LOC122539214: variants seen among roughly 807,000 people sequenced by gnomAD.
the LOC122539214 span, among the ~76,000 whole-genome samples, chr19:52,679,034 C>CCTTA: frequency 6.6e-6 from 1 of 151,976 alleles, no homozygotes; most frequent in Non-Finnish European, 1.5e-5. Flanking sequence ...TCACAAGCTC[C>CCTTA]CTTAATAAGA....
the LOC122539214 span, chr19:52,655,188 A>AAAAAC: frequency 9.6e-6 from 2 of 207,590 alleles, no homozygotes; most frequent in South Asian, 1.0e-4. Context: ...CTCTGTCTCA[A>AAAAAC]AAAACAAAAC....
the LOC122539214 span, among the ~76,000 whole-genome samples, chr19:52,687,389 A>ATATAAATTATAATTTATAT: frequency 7.6e-3 from 338 of 44,340 alleles, 143 homozygotes; most frequent in African/African-American, 0.082. Flanking sequence ...ATTTATATAT[A>ATATAAATTATAATTTATAT]TATAATTTAT....
At chr19:52,677,682 G>T in the LOC122539214 span, among the ~76,000 whole-genome samples, 1 of 128,786 alleles carries the variant, frequency 7.8e-6, no homozygotes, top group Non-Finnish European at 1.6e-5. Flanking sequence ...TACAGCAATG[G>T]GGGAGACCAC....
chr19:52,659,001 G>A, the LOC122539214 span, among the ~76,000 whole-genome samples: 1 of 152,126 alleles, frequency 6.6e-6, no homozygotes, highest in Admixed American at 6.5e-5. Flanking sequence ...GTGTGCAGGC[G>A]ATTGGGCACC....
chr19:52,650,852 C>G, the LOC122539214 span: 5 of 152,266 alleles, frequency 3.3e-5, no homozygotes, highest in African/African-American at 1.2e-4. Flanking sequence ...AACCTGTTTA[C>G]TACAGCAGAA....
At chr19:52,674,374 G>A in the LOC122539214 span, 1 of 152,190 alleles carries the variant, frequency 6.6e-6, no homozygotes, top group Admixed American at 6.5e-5. Flanking sequence ...CTCACATGAT[G>A]CTAGAACGTT....
chr19:52,675,945 A>T, the LOC122539214 span, among the ~76,000 whole-genome samples: 2 of 152,134 alleles, frequency 1.3e-5, no homozygotes, highest in Non-Finnish European at 1.5e-5. Flanking sequence ...TAATCCCACC[A>T]CTTTGGGAGG....
chr19:52,686,501 A>AACC, the LOC122539214 span, among the ~76,000 whole-genome samples: 3 of 83,754 alleles, frequency 3.6e-5, no homozygotes, highest in Non-Finnish European at 7.6e-5. Context: ...AGAAACCAGA[A>AACC]AGAAAAAAAA....
chr19:52,678,311 A>G, the LOC122539214 span, among the ~76,000 whole-genome samples: 1 of 151,532 alleles, frequency 6.6e-6, no homozygotes, highest in East Asian at 2.0e-4. Context: ...TTAGCCAGGC[A>G]TGGTGGCAGG....
the LOC122539214 span, chr19:52,653,264 A>G: frequency 2.0e-6 from 3 of 1,486,866 alleles, no homozygotes; most frequent in Non-Finnish European, 2.8e-6. Flanking sequence ...CTATAATGAC[A>G]TGCAAGGTGT....
the LOC122539214 span, among the ~76,000 whole-genome samples, chr19:52,670,925 G>T: frequency 6.6e-6 from 1 of 152,164 alleles, no homozygotes; most frequent in African/African-American, 2.4e-5. Context: ...GGAGACCAAG[G>T]TTCTTTTGAA....
the LOC122539214 span, chr19:52,655,766 G>T: frequency 3.0e-6 from 2 of 671,076 alleles, no homozygotes; most frequent in South Asian, 1.9e-5. Context: ...GAGAAAATAA[G>T]TATTGATTTG....
At chr19:52,671,230 T>C in the LOC122539214 span, among the ~76,000 whole-genome samples, 1 of 152,202 alleles carries the variant, frequency 6.6e-6, no homozygotes, top group African/African-American at 2.4e-5. Flanking sequence ...ACTCTTTACA[T>C]AGGAATTTGG....
At chr19:52,677,759 G>A in the LOC122539214 span, among the ~76,000 whole-genome samples, 1 of 152,032 alleles carries the variant, frequency 6.6e-6, no homozygotes, top group South Asian at 2.1e-4. Flanking sequence ...CCAGGCCAGA[G>A]GGGATGGCTC....
At chr19:52,683,226 C>CTGTGTGTGTG in the LOC122539214 span, among the ~76,000 whole-genome samples, 1 of 135,652 alleles carries the variant, frequency 7.4e-6, no homozygotes, top group African/African-American at 2.7e-5. Context: ...TGCCCTGTGA[C>CTGTGTGTGTG]TCTGTGTGTG....
the LOC122539214 span, among the ~76,000 whole-genome samples, chr19:52,671,041 TAGAAGA>T: frequency 6.6e-6 from 1 of 152,204 alleles, no homozygotes; most frequent in African/African-American, 2.4e-5. Context: ...TGGTAGGGCC[TAGAAGA>T]AAAAGATCTA....
chr19:52,656,212 C>CAT, the LOC122539214 span, among the ~76,000 whole-genome samples: 1 of 93,922 alleles, frequency 1.1e-5, no homozygotes, highest in Non-Finnish European at 2.2e-5. Context: ...GACTCCGTCT[C>CAT]TCTCTCTCTC....
the LOC122539214 span, among the ~76,000 whole-genome samples, chr19:52,686,762 G>A: frequency 6.6e-6 from 1 of 151,952 alleles, no homozygotes; most frequent in Non-Finnish European, 1.5e-5. Context: ...TCATAGAGAC[G>A]GCGTTTCACC....
chr19:52,674,436 T>C, the LOC122539214 span, among the ~76,000 whole-genome samples: 5 of 152,250 alleles, frequency 3.3e-5, no homozygotes, highest in Non-Finnish European at 5.9e-5. Flanking sequence ...AGCAATGAAA[T>C]AGCAAAAGAA....
Sources: gnomAD v4.1 joint callset for allele counts (sites outside exome capture counted in the v4.1 genomes callset) on GRCh38, gnomAD v4.1.1 for gene constraint, MANE v1.5 for transcripts.